The following NALF1 variants were observed in gnomAD, a reference collection of about 807,000 sequenced individuals.
NALF1 encodes the protein NALCN channel auxiliary factor 1, also known as family with sequence similarity 155 member A.
Under a neutral mutation model 48.4 loss-of-function variants are expected in NALF1, and 3 were observed. The ratio of observed to expected loss-of-function variants is 0.06; its 90% CI spans 0.03 to 0.16. The LOEUF (loss-of-function observed/expected upper bound fraction) is 0.16, where lower values mean the gene tolerates loss of function less well. Ranked by LOEUF, NALF1 falls within the 10% of genes least tolerant of loss-of-function variation. The probability of loss-of-function intolerance (pLI) is 1.00; values close to 1 mark genes in which losing one functional copy is unlikely to be tolerated. For missense variants in NALF1, 526 were observed against 571.5 expected, an observed-to-expected ratio of 0.92 and a Z score of 0.81; for synonymous variants, 262 against 245.7, an observed-to-expected ratio of 1.07 and a Z score of -0.62.
intron 1 of NALF1, among the ~76,000 whole-genome samples, chr13:107,501,279 CT>C (rs563255121): frequency 5.1e-4 from 77 of 152,198 alleles, no homozygotes; most frequent in African/African-American, 1.7e-3. Flanking sequence ...CAAACACCCC[CT>C]AAAAGACCCC....
At chr13:107,523,799 ATTTCT>A (rs951324268) in intron 1 of NALF1, among the ~76,000 whole-genome samples, 1 of 152,088 alleles carries the variant, frequency 6.6e-6, no homozygotes, top group African/African-American at 2.4e-5. Flanking sequence ...ATGAGGATTG[ATTTCT>A]TTTCTGATTA....
At chr13:107,727,149 G>C (rs1184885843) in intron 1 of NALF1, among the ~76,000 whole-genome samples, 1 of 151,848 alleles carries the variant, frequency 6.6e-6, no homozygotes, top group Admixed American at 6.6e-5. Flanking sequence ...CATATTTAAG[G>C]CACAGACTCG....
intron 1 of NALF1, among the ~76,000 whole-genome samples, chr13:107,710,030 T>C (rs887487117): frequency 6.6e-6 from 1 of 151,948 alleles, no homozygotes; most frequent in Non-Finnish European, 1.5e-5. Context: ...GGTAGGAGAA[T>C]TGCTTGAGCC....
chr13:107,500,272 A>G (rs1875476391), intron 1 of NALF1, among the ~76,000 whole-genome samples: 1 of 152,130 alleles, frequency 6.6e-6, no homozygotes, highest in African/African-American at 2.4e-5. Context: ...ACAAATAAAG[A>G]ATAGAAATTT....
chr13:107,553,468 G>C (rs925839518), intron 1 of NALF1, among the ~76,000 whole-genome samples: 1 of 152,254 alleles, frequency 6.6e-6, no homozygotes, highest in Middle Eastern at 3.4e-3. Context: ...AATTATAAGA[G>C]AGTATTTACA....
intron 1 of NALF1, among the ~76,000 whole-genome samples, chr13:107,738,082 G>T (rs1876519729): frequency 6.6e-6 from 1 of 152,116 alleles, no homozygotes. Flanking sequence ...TACTGCAGAA[G>T]TACAGTGAAA....
chr13:107,209,000 C>T lies in NALF1; in HGVS notation c.1087+1584G>A, dbSNP rs114419363. On this transcript the variant is annotated intron_variant, in intron 2 of 2. Coordinates refer to ENST00000375915, the MANE Select transcript of NALF1 (RefSeq NM_001080396.3). Reference sequence around the variant, plus strand: ...CTGCATTTCACTTTCTCGTGTGCAACGGCTATGGCTGGTCAATGACATAAC... The same window carrying T: ...CTGCATTTCACTTTCTCGTGTGCAATGGCTATGGCTGGTCAATGACATAAC... Among the ~76,000 whole-genome samples, 1,103 of 152,274 alleles carry T rather than the reference C, an allele frequency of 7.2e-3. 10 individuals carry two copies. Among genetic ancestry groups the T allele is most frequent in the African/African-American group, 0.025 (1,026 of 41,556 alleles).
At chr13:107,811,072 C>G (rs186232200) in intron 1 of NALF1, among the ~76,000 whole-genome samples, 2 of 152,246 alleles carry the variant, frequency 1.3e-5, no homozygotes, top group African/African-American at 4.8e-5. Flanking sequence ...CACCTTTACT[C>G]AGAAATATTT....
intron 1 of NALF1, among the ~76,000 whole-genome samples, chr13:107,407,262 G>T (rs1387939866): frequency 6.6e-6 from 1 of 151,970 alleles, no homozygotes; most frequent in Non-Finnish European, 1.5e-5. Flanking sequence ...ATGAACAAAT[G>T]AGATCATATC....
At chr13:107,727,804 A>G (rs991708398) in intron 1 of NALF1, among the ~76,000 whole-genome samples, 1 of 152,192 alleles carries the variant, frequency 6.6e-6, no homozygotes, top group African/African-American at 2.4e-5. Context: ...AATATCCAGA[A>G]TCTATGAGGA....
At chr13:107,620,647 T>C (rs1320733486) in intron 1 of NALF1, among the ~76,000 whole-genome samples, 1 of 152,152 alleles carries the variant, frequency 6.6e-6, no homozygotes, top group African/African-American at 2.4e-5. Context: ...CCAGTTAGGA[T>C]AGAAATTGTA....
intron 1 of NALF1, among the ~76,000 whole-genome samples, chr13:107,664,181 C>T (rs1292413250): frequency 1.3e-5 from 2 of 152,198 alleles, no homozygotes; most frequent in African/African-American, 4.8e-5. Flanking sequence ...GGACTCCATT[C>T]TTCCAGTTTG....
intron 1 of NALF1, among the ~76,000 whole-genome samples, chr13:107,476,003 C>T (rs1885171961): frequency 6.6e-6 from 1 of 152,052 alleles, no homozygotes; most frequent in African/African-American, 2.4e-5. Flanking sequence ...CTTCTGAAGA[C>T]AGATTCATTG....
In NALF1 at chr13:107,457,303, C is replaced by T. The variant is rs1401560923; in HGVS notation, c.916-246548G>A. On this transcript the variant is annotated intron_variant, in intron 1 of 2. Transcript: ENST00000375915. ...GGGAGGGAATTTCGAGGCATTTGAT[C>T]TAACTACCTCAGTTTACTGGTGAGA... is the stretch of plus-strand genomic sequence containing the variant. Among the ~76,000 whole-genome samples the T allele has an allele frequency of 2.0e-5, 3 of 152,144 alleles. No homozygotes were observed. The South Asian group carries it at 6.2e-4, about 31-fold the overall frequency.
intron 1 of NALF1, among the ~76,000 whole-genome samples, chr13:107,289,598 T>C (rs149584944): frequency 3.7e-3 from 563 of 152,328 alleles, no homozygotes; most frequent in Middle Eastern, 6.8e-3. Flanking sequence ...TATTTACTGA[T>C]GGTTTAGAAA....
At chr13:107,576,870 C>T (rs984767711) in intron 1 of NALF1, among the ~76,000 whole-genome samples, 3 of 152,092 alleles carry the variant, frequency 2.0e-5, no homozygotes, top group Non-Finnish European at 2.9e-5. Flanking sequence ...ATTGTTCCTA[C>T]TCTGTCAAAA....
At chr13:107,575,001 G>A (rs998585412) in intron 1 of NALF1, among the ~76,000 whole-genome samples, 1 of 152,038 alleles carries the variant, frequency 6.6e-6, no homozygotes, top group African/African-American at 2.4e-5. Flanking sequence ...CAAAACTCCT[G>A]GATGCATGCC....
At chr13:107,711,786 AACT>A (rs896863961) in intron 1 of NALF1, among the ~76,000 whole-genome samples, 1 of 152,236 alleles carries the variant, frequency 6.6e-6, no homozygotes, top group African/African-American at 2.4e-5. Flanking sequence ...TACTTCTAAA[AACT>A]ACTACTTCTA....
At chr13:107,348,475 T>C (rs565519786) in intron 1 of NALF1, among the ~76,000 whole-genome samples, 4 of 152,166 alleles carry the variant, frequency 2.6e-5, no homozygotes, top group Non-Finnish European at 5.9e-5. Context: ...GTGCAGAGTG[T>C]GCAGGTTTGT....
Sources: gnomAD v4.1 joint callset for allele counts (sites outside exome capture counted in the v4.1 genomes callset) on GRCh38, gnomAD v4.1.1 for gene constraint, MANE v1.5 for transcripts, NCBI Gene and HGNC (gene_info 2026-07-23, HGNC 2026-07-21) for gene names.